Variants in SLC29A4 observed in about 807,000 individuals in gnomAD.
SLC29A4 encodes equilibrative nucleoside transporter 4.
A neutral mutation model predicts 43.9 loss-of-function variants in SLC29A4; 36 were observed. The ratio of observed to expected loss-of-function variants is 0.82; its 90% CI spans 0.63 to 1.08. The LOEUF (loss-of-function observed/expected upper bound fraction) is 1.08. Ranked by LOEUF, SLC29A4 falls within the 50% of genes least tolerant of loss-of-function variation. The pLI is 0.00. For synonymous variants in SLC29A4, 491 were observed against 338.0 expected, an observed-to-expected ratio of 1.45 and a Z score of -4.97; for missense variants, 869 against 755.3, an observed-to-expected ratio of 1.15 and a Z score of -1.77.
rs1041329984 is a variant in SLC29A4, at chr7:5,291,428, C to A, written c.415+191C>A. ...TGTACCCCAAGTCATGTCCCTGGGCCTTGCCCAAGCTCTTCCCCACGTCCA... is the reference window on the plus strand; with the variant it reads ...TGTACCCCAAGTCATGTCCCTGGGCATTGCCCAAGCTCTTCCCCACGTCCA... On this transcript the variant is annotated intron_variant, in intron 4 of 10. Transcript: ENST00000396872. Among the ~76,000 whole-genome samples, 4 of 152,262 alleles carry A rather than the reference C, an allele frequency of 2.6e-5. No homozygotes were observed. The East Asian group carries it at 7.7e-4, about 29-fold the overall frequency.
At chr7:5,295,534 C>T (rs1436618560) in intron 6 of SLC29A4, among the ~76,000 whole-genome samples, 4 of 152,244 alleles carry the variant, frequency 2.6e-5, no homozygotes, top group Non-Finnish European at 4.4e-5. Context: ...CCTCCAGCCC[C>T]TGCAGAGGGG....
Position 5,287,463 on chromosome 7 carries a change from T to A in SLC29A4, c.-8-346T>A, listed in dbSNP as rs549246018. Among the ~76,000 whole-genome samples, 4 of 151,840 alleles carry A rather than the reference T, an allele frequency of 2.6e-5. No individual in the cohort carries two copies. The South Asian group carries it at 8.3e-4, about 32-fold the overall frequency. Reference sequence around the variant, plus strand: ...AAAAGACATACCAGGTGACATTGCTTATCTGCTTAAATTAATGTCCTCTGG... The same window carrying A: ...AAAAGACATACCAGGTGACATTGCTAATCTGCTTAAATTAATGTCCTCTGG... On this transcript the variant is annotated intron_variant, in intron 1 of 10. Transcript: ENST00000396872.
intron 1 of SLC29A4, among the ~76,000 whole-genome samples, chr7:5,285,990 A>G (rs375691947): frequency 3.9e-5 from 6 of 152,262 alleles, no homozygotes; most frequent in African/African-American, 1.4e-4. Flanking sequence ...AGCCTTGGCA[A>G]CAAAGCGAGA....
chr7:5,290,959 A>T (rs1274040788), intron 3 of SLC29A4, 96 bp downstream of exon 3: 1 of 1,543,882 alleles, frequency 6.5e-7, no homozygotes, highest in East Asian at 2.3e-5. Context: ...CTACACGGGG[A>T]CCTGTTTTAT....
chr7:5,295,785 C>G (rs1785608900), intron 6 of SLC29A4, among the ~76,000 whole-genome samples: 1 of 126,876 alleles, frequency 7.9e-6, no homozygotes, highest in Non-Finnish European at 1.8e-5. Flanking sequence ...CGTGGGAGGT[C>G]CTGGTTCCTG....
chr7:5,291,194 C>T lies in SLC29A4; in HGVS notation c.372C>T (p.Asn124=), dbSNP rs17855675. 7 of 1,613,558 alleles carry T rather than the reference C, an allele frequency of 4.3e-6. No individual in the cohort carries two copies. Among genetic ancestry groups the T allele is most frequent in the South Asian group, 3.3e-5 (3 of 91,070 alleles). Reference sequence around the variant, plus strand: ...CACTGGCAGCTGTCCTCCTGAACAACGTCCTGGTGGAGAGACTGACCCTGC... The same window carrying T: ...CACTGGCAGCTGTCCTCCTGAACAATGTCCTGGTGGAGAGACTGACCCTGC... ...LVALAAVLLN[N]VLVERLTLHT... is the part of the protein sequence containing the mutation. Residue 124 remains asparagine (N), a synonymous_variant, in exon 4 of 11, where the codon AAC becomes AAT. Transcript: ENST00000396872.
At position 5,290,606 on chromosome 7, in the gene SLC29A4, G is replaced by A. The variant is rs1442925873; in HGVS notation, c.170-126G>A. On this transcript the variant is annotated intron_variant, in intron 2 of 10. Coordinates refer to ENST00000396872, the MANE Select transcript of SLC29A4 (RefSeq NM_153247.4). Reference sequence around the variant, plus strand: ...TGACAGAGGTATCTGGAACAGAGGGGAGCAGGGGTCACGGTGATGGACAGT... The same window carrying A: ...TGACAGAGGTATCTGGAACAGAGGGAAGCAGGGGTCACGGTGATGGACAGT... The A allele has an allele frequency of 1.3e-5, 17 of 1,281,066 alleles. No individual in the cohort carries two copies. In the East Asian group the frequency reaches 2.2e-4, roughly 17 times the overall value. 79.4% of individuals were successfully genotyped at this position (1,281,066 alleles called of 1,614,324 possible).
intron 2 of SLC29A4, among the ~76,000 whole-genome samples, chr7:5,288,292 C>A (rs78224939): frequency 7.3e-6 from 1 of 137,314 alleles, no homozygotes. Context: ...CTGACCCGTA[C>A]AGCTTCTTTT....
At chr7:5,302,588 A>T (rs1296253218) in intron 10 of SLC29A4, among the ~76,000 whole-genome samples, 2 of 152,220 alleles carry the variant, frequency 1.3e-5, no homozygotes, top group Non-Finnish European at 2.9e-5. Context: ...AAGGCAGGCA[A>T]GGCCTGGAGT....
At position 5,304,357 on chromosome 7, in the gene SLC29A4, A is replaced by C. The variant is rs1786377716; in HGVS notation, c.*1418A>C. The C allele has an allele frequency of 7.0e-6, 1 of 143,642 alleles. No homozygotes were observed. Among genetic ancestry groups the C allele is most frequent in the Non-Finnish European group, 1.5e-5 (1 of 65,912 alleles). 8.9% of individuals were successfully genotyped at this position (143,642 alleles called of 1,614,324 possible). On this transcript the variant is annotated 3_prime_UTR_variant, in exon 11 of 11. Transcript: ENST00000396872. Reference sequence around the variant, plus strand: ...GGATGGCCACATGCAGCCCATTTGAAGGGGAAACAAAGTGGGCGGGGCTTG... The same window carrying C: ...GGATGGCCACATGCAGCCCATTTGACGGGGAAACAAAGTGGGCGGGGCTTG...
At chr7:5,297,267 A>C in intron 7 of SLC29A4, 69 bp downstream of exon 7, 1 of 1,436,778 alleles carries the variant, frequency 7.0e-7, no homozygotes, top group Non-Finnish European at 9.2e-7. Context: ...TTCGTCGGGA[A>C]GTACCTGGGG....
intron 5 of SLC29A4, among the ~76,000 whole-genome samples, chr7:5,293,162 C>CTTTTT (rs58758343): frequency 6.0e-5 from 7 of 117,282 alleles, no homozygotes; most frequent in East Asian, 2.4e-4. Flanking sequence ...TTTTTTTTCT[C>CTTTTT]TTTTTTTTTT....
At chr7:5,287,331 T>A (rs2128086584) in intron 1 of SLC29A4, among the ~76,000 whole-genome samples, 1 of 150,104 alleles carries the variant, frequency 6.7e-6, no homozygotes, top group East Asian at 2.0e-4. Context: ...ATCAGGAGGA[T>A]CCCTTGAGCC....
rs1162989338 is a variant in SLC29A4, at chr7:5,302,688, G to A, written c.1451-109G>A. ...GAGGAGCGATGGGGCAGCGGGTCCT[G>A]GAGGGGCGGCACGGTTCAGGCGGGT... On this transcript the variant is annotated intron_variant, in intron 10 of 10. Coordinates refer to ENST00000396872, the MANE Select transcript of SLC29A4 (RefSeq NM_153247.4). 3.5e-6 allele frequency: 4 copies of A among 1,132,508 alleles called. No homozygotes were observed. The African/African-American group carries it at 6.4e-5, about 18-fold the overall frequency. 70.2% of individuals were successfully genotyped at this position (1,132,508 alleles called of 1,614,324 possible).
In SLC29A4 at chr7:5,303,257, C is replaced by T. The variant is rs533451470; in HGVS notation, c.*318C>T. Reference sequence around the variant, plus strand: ...CCAGCCAGCACTCTGCAGGGTCACACGCACCGTGTCCCCACCCAGGACAGC... The same window carrying T: ...CCAGCCAGCACTCTGCAGGGTCACATGCACCGTGTCCCCACCCAGGACAGC... On this transcript the variant is annotated 3_prime_UTR_variant, in exon 11 of 11. Coordinates refer to ENST00000396872, the MANE Select transcript of SLC29A4 (RefSeq NM_153247.4). 1.7e-4 allele frequency: 76 copies of T among 437,438 alleles called. No homozygotes were observed. Among genetic ancestry groups the T allele is most frequent in the African/African-American group, 1.2e-3 (58 of 49,568 alleles). The allele number at this position is 437,438 out of a possible 1,614,324, so 27.1% of individuals were successfully genotyped here.
intron 5 of SLC29A4, among the ~76,000 whole-genome samples, chr7:5,292,690 C>CCT (rs1785381453): frequency 1.5e-5 from 1 of 67,402 alleles, no homozygotes; most frequent in African/African-American, 6.2e-5. Flanking sequence ...CATTTTTTTC[C>CCT]TTTTTTTTTT....
chr7:5,296,783 T>G (rs1321016779), intron 6 of SLC29A4, among the ~76,000 whole-genome samples, 153 bp from the exon 7 acceptor site: 4 of 97,532 alleles, frequency 4.1e-5, no homozygotes, highest in African/African-American at 1.6e-4. Flanking sequence ...GCAGGGCCTG[T>G]GGTGGAGGGC....
chr7:5,301,069 G>A (rs1283643767), intron 10 of SLC29A4, among the ~76,000 whole-genome samples: 1 of 152,072 alleles, frequency 6.6e-6, no homozygotes, highest in African/African-American at 2.4e-5. Context: ...GACCAGCCTG[G>A]GCAACACAGT....
At chr7:5,287,142 G>A (rs1199667201) in intron 1 of SLC29A4, among the ~76,000 whole-genome samples, 1 of 152,158 alleles carries the variant, frequency 6.6e-6, no homozygotes, top group East Asian at 1.9e-4. Flanking sequence ...TGAGGGCTGG[G>A]CGCAGTGGCT....
Sources: gnomAD v4.1 joint callset for allele counts (sites outside exome capture counted in the v4.1 genomes callset) on GRCh38, gnomAD v4.1.1 for gene constraint, MANE v1.5 for transcripts, NCBI Gene and HGNC (gene_info 2026-07-23, HGNC 2026-07-21) for gene names.